The following RHPN2 variants were observed in gnomAD, a reference collection of about 807,000 sequenced individuals.
RHPN2 encodes the protein rhophilin Rho GTPase binding protein 2, also known as rhophilin-2.
Under a neutral mutation model 79.0 loss-of-function variants are expected in RHPN2, and 40 were observed. The observed-to-expected ratio is 0.51, with a 90% confidence interval of 0.39 to 0.66. The LOEUF (loss-of-function observed/expected upper bound fraction) is 0.66, where lower values mean the gene tolerates loss of function less well. RHPN2 is among the 30% of genes least tolerant of loss of function. The probability of loss-of-function intolerance (pLI) is 0.00; values close to 1 mark genes in which losing one functional copy is unlikely to be tolerated. For synonymous variants in RHPN2, 285 were observed against 363.5 expected (o/e 0.78, Z 2.46); for missense variants, 686 against 883.5 (o/e 0.78, Z 2.83).
chr19:33,061,910 C>T (rs1005025365), intron 1 of RHPN2, among the ~76,000 whole-genome samples: 2 of 152,074 alleles, frequency 1.3e-5, no homozygotes, highest in Admixed American at 6.6e-5. Flanking sequence ...TCAAGAGATC[C>T]GCCTGCCTCG....
intron 12 of RHPN2, 90 bp downstream of exon 12, chr19:32,993,887 A>G: frequency 1.1e-6 from 1 of 950,656 alleles, no homozygotes; most frequent in Admixed American, 1.7e-5. Context: ...GCATTTTGTT[A>G]TAGCAGCCCA....
chr19:33,034,605 C>CAAAAAAAAAA (rs71176187), intron 2 of RHPN2, among the ~76,000 whole-genome samples: 2 of 95,702 alleles, frequency 2.1e-5, no homozygotes, highest in Non-Finnish European at 1.9e-5. Context: ...GACTCCGTCT[C>CAAAAAAAAAA]AAAAAAAAAA....
At chr19:33,056,474 C>T (rs1972234031) in intron 1 of RHPN2, among the ~76,000 whole-genome samples, 1 of 151,990 alleles carries the variant, frequency 6.6e-6, no homozygotes, top group South Asian at 2.1e-4. Flanking sequence ...CTGTGGGGTA[C>T]AGGGGCAGTT....
intron 1 of RHPN2, 29 bp downstream of exon 1, chr19:33,064,755 T>TGC: frequency 4.6e-4 from 662 of 1,427,338 alleles, no homozygotes; most frequent in Non-Finnish European, 5.7e-4. Flanking sequence ...AGCCCGCAGG[T>TGC]CCCCGCCCGC....
At position 33,064,790 on chromosome 19, in the gene RHPN2, A is replaced by AAAGTAGCCGT; in HGVS notation, c.53_62dup (p.Phe21LeufsTer9). On this transcript the variant is annotated frameshift_variant, in exon 1 of 15. Coordinates refer to ENST00000254260, the MANE Select transcript of RHPN2 (RefSeq NM_033103.5). LOFTEE classifies it high-confidence loss of function. ...CCCGCCCGAAGCCGCCCACCTTCCG[A>AAAGTAGCCGT]AAGTAGCCGTCGTTCTCCTTCTCCA... The AAAGTAGCCGT allele has an allele frequency of 8.4e-7, 1 of 1,192,628 alleles. No homozygotes were observed. Among genetic ancestry groups the AAAGTAGCCGT allele is most frequent in the African/African-American group, 1.9e-5 (1 of 51,794 alleles). 73.9% of individuals were successfully genotyped at this position (1,192,628 alleles called of 1,614,324 possible).
chr19:33,031,142 C>T (rs1487416196), intron 2 of RHPN2, among the ~76,000 whole-genome samples: 19 of 152,180 alleles, frequency 1.2e-4, no homozygotes. Context: ...ACTCCAGACA[C>T]CTCAATGTGT....
intron 2 of RHPN2, among the ~76,000 whole-genome samples, chr19:33,030,145 C>T (rs528521536): frequency 6.6e-6 from 1 of 152,282 alleles, no homozygotes; most frequent in South Asian, 2.1e-4. Context: ...TCTCTGCCCT[C>T]ACCACGTGTG....
chr19:32,992,392 T>C (rs1311654307), intron 12 of RHPN2, among the ~76,000 whole-genome samples: 1 of 152,112 alleles, frequency 6.6e-6, no homozygotes, highest in East Asian at 1.9e-4. Context: ...GGTTTCACCA[T>C]GTTGGCCAGG....
At position 33,008,077 on chromosome 19, in the gene RHPN2, G is replaced by C. The variant is rs557723953; in HGVS notation, c.697C>G (p.Arg233Gly). 6.2e-7 allele frequency: 1 copy of C among 1,613,520 alleles called. No homozygotes were observed. Among genetic ancestry groups the C allele is most frequent in the African/African-American group, 1.3e-5 (1 of 74,838 alleles). ...TGALYTQIGT[R>G]CDRQTQAGLE... ...CCAGCCTGCGTCTGCCGATCACACC[G>C]GGTCCCAATCTGGGTGTAGAGGGCC... Residue 233 changes from arginine (R) to glycine (G), a missense_variant, in exon 7 of 15, where the codon CGG becomes GGG. Coordinates refer to ENST00000254260, the MANE Select transcript of RHPN2 (RefSeq NM_033103.5).
At chr19:32,982,290 C>A (rs578128271) in intron 14 of RHPN2, among the ~76,000 whole-genome samples, 118 of 152,200 alleles carry the variant, frequency 7.8e-4, no homozygotes, top group Middle Eastern at 3.4e-3. Flanking sequence ...CACCTGTAAT[C>A]CCAGCTACTC....
At chr19:33,044,533 T>A (rs1277179245) in intron 1 of RHPN2, among the ~76,000 whole-genome samples, 169 bp from the exon 2 acceptor site, 1 of 152,192 alleles carries the variant, frequency 6.6e-6, no homozygotes, top group Non-Finnish European at 1.5e-5. Flanking sequence ...AACAACACAA[T>A]TGCAAAACAG....
chr19:33,025,244 G>A (rs1430379492), intron 3 of RHPN2, among the ~76,000 whole-genome samples: 1 of 151,260 alleles, frequency 6.6e-6, no homozygotes, highest in African/African-American at 2.4e-5. Context: ...AGGCCAAGGC[G>A]GGCAGATTAC....
rs71340522 is a variant in RHPN2 at position 33,020,329 on chromosome 19, C to CT, written c.390+1241dup. On this transcript the variant is annotated intron_variant, in intron 4 of 14. Coordinates refer to ENST00000254260, the MANE Select transcript of RHPN2 (RefSeq NM_033103.5). ...TGATAATAGCCATTACTTTCGTTCT[C>CT]TTTTTTTTTTTTTTTTGAGACACAG... Among the ~76,000 whole-genome samples the CT allele has an allele frequency of 1.8e-3, 257 of 139,378 alleles. 4 individuals carry two copies. The highest frequency in any genetic ancestry group is 4.0e-3 in the East Asian group (19 of 4,720). The allele number at this position is 139,378 out of a possible 152,430, so 91.4% of individuals were successfully genotyped here. A position where few individuals can be genotyped will look rare whatever the true frequency, so the allele number is the denominator to read the frequency against.
intron 3 of RHPN2, 61 bp from the exon 4 acceptor site, chr19:33,021,707 G>A (rs1265686030): frequency 2.3e-5 from 30 of 1,322,622 alleles, no homozygotes; most frequent in Middle Eastern, 1.8e-4. Flanking sequence ...TGCACCCCAC[G>A]GCCTTGCCCT....
intron 1 of RHPN2, among the ~76,000 whole-genome samples, chr19:33,060,882 G>A (rs751632735): frequency 6.6e-6 from 1 of 152,144 alleles, no homozygotes. Context: ...AGAGAAGGAA[G>A]GGCAAAGATG....
intron 1 of RHPN2, among the ~76,000 whole-genome samples, chr19:33,056,170 T>A (rs1196805473): frequency 6.9e-6 from 1 of 145,846 alleles, no homozygotes; most frequent in East Asian, 2.0e-4. Context: ...TGGAGTGCAA[T>A]GGCGTGATCT....
intron 7 of RHPN2, among the ~76,000 whole-genome samples, chr19:33,005,236 A>C (rs1453279651): frequency 2.6e-5 from 4 of 151,650 alleles, no homozygotes; most frequent in Admixed American, 1.3e-4. Context: ...CAACATGGCA[A>C]AAGCCCATCT....
intron 2 of RHPN2, among the ~76,000 whole-genome samples, chr19:33,029,956 C>T (rs1484571162): frequency 6.6e-6 from 1 of 152,128 alleles, no homozygotes; most frequent in African/African-American, 2.4e-5. Context: ...ACTCCGTGTC[C>T]AGGGTTTTTA....
chr19:33,025,323 A>C (rs1331712208), intron 3 of RHPN2, among the ~76,000 whole-genome samples: 4 of 151,210 alleles, frequency 2.6e-5, no homozygotes, highest in Admixed American at 6.6e-5. Flanking sequence ...AAAAAAAAAA[A>C]AAAAAACAAT....
Sources: gnomAD v4.1 joint callset for allele counts (sites outside exome capture counted in the v4.1 genomes callset) on GRCh38, gnomAD v4.1.1 for gene constraint, MANE v1.5 for transcripts, NCBI Gene and HGNC (gene_info 2026-07-23, HGNC 2026-07-21) for gene names.